Variants in GRIN2B observed in about 807,000 individuals in gnomAD.
GRIN2B encodes the protein glutamate receptor ionotropic, NMDA 2B.
In GRIN2B, 5 loss-of-function variants were observed where a neutral mutation model predicts 114.5. That is an observed-to-expected ratio of 0.04 (90% CI 0.02 to 0.09). The LOEUF (loss-of-function observed/expected upper bound fraction) is 0.09, where lower values mean the gene tolerates loss of function less well. Among genes scored for constraint, GRIN2B ranks in the 10% least tolerant of loss-of-function variants. The pLI is 1.00. For missense variants in GRIN2B, 1,108 were observed against 1,943.5 expected, an observed-to-expected ratio of 0.57 and a Z score of 8.08; for synonymous variants, 787 against 745.1, an observed-to-expected ratio of 1.06 and a Z score of -0.92.
At chr12:13,886,221 T>G (rs887273942) in intron 2 of GRIN2B, among the ~76,000 whole-genome samples, 4 of 152,230 alleles carry the variant, frequency 2.6e-5, no homozygotes, top group Non-Finnish European at 5.9e-5. Context: ...TACCGGTGTA[T>G]GTACTGGTTT....
At chr12:13,677,902 T>C (rs772259314) in intron 4 of GRIN2B, among the ~76,000 whole-genome samples, 6 of 152,148 alleles carry the variant, frequency 3.9e-5, no homozygotes, top group Non-Finnish European at 8.8e-5. Context: ...TGTTAAACTC[T>C]TTTAGTTCCG....
intron 5 of GRIN2B, among the ~76,000 whole-genome samples, chr12:13,642,808 G>T (rs1949732223): frequency 6.6e-6 from 1 of 152,164 alleles, no homozygotes; most frequent in Admixed American, 6.5e-5. Flanking sequence ...GAAAAATGAG[G>T]AAACTGAAGC....
rs542589781 is a variant in GRIN2B at position 13,790,944 on chromosome 12, G to A, written c.412-37029C>T. On this transcript the variant is annotated intron_variant, in intron 3 of 13. Coordinates refer to ENST00000609686, the MANE Select transcript of GRIN2B (RefSeq NM_000834.5). ...AGGCTGCTGTTCCAGTGGGAGTGAC[G>A]AGGCTGGAACCCTTCCCTGCAGACA... 1.7e-4 allele frequency among the ~76,000 whole-genome samples: 26 copies of A among 152,294 alleles called. No homozygotes were observed. In the South Asian group the frequency reaches 3.3e-3, roughly 19 times the overall value.
In GRIN2B at chr12:13,554,260, G is replaced by T. The variant is rs1217255673; in HGVS notation, c.*8523C>A. Reference sequence around the variant, plus strand: ...GTATAACCAAATACCTATGAAATAAGATGGCCCATGATAGCTGCCACTAGG... The same window carrying T: ...GTATAACCAAATACCTATGAAATAATATGGCCCATGATAGCTGCCACTAGG... On this transcript the variant is annotated 3_prime_UTR_variant, in exon 14 of 14. Transcript: ENST00000609686. 6.6e-6 allele frequency: 1 copy of T among 152,188 alleles called. No individual in the cohort carries two copies. Among genetic ancestry groups the T allele is most frequent in the Non-Finnish European group, 1.5e-5 (1 of 68,036 alleles). 9.4% of individuals were successfully genotyped at this position (152,188 alleles called of 1,614,324 possible). A position where few individuals can be genotyped will look rare whatever the true frequency, so the allele number is the denominator to read the frequency against.
Position 13,562,568 on chromosome 12 carries a change from G to A in GRIN2B, c.*215C>T. On this transcript the variant is annotated 3_prime_UTR_variant, in exon 14 of 14. Transcript: ENST00000609686. ...GGAACAGGAATGGCTGACAGCGGGG[G>A]GAAGAAGGAGAGAACTGTGAAAAGG... 3.4e-6 allele frequency: 2 copies of A among 581,990 alleles called. No individual in the cohort carries two copies. Among genetic ancestry groups the A allele is most frequent in the Non-Finnish European group, 6.1e-6 (2 of 326,244 alleles). 36.1% of individuals were successfully genotyped at this position (581,990 alleles called of 1,614,324 possible). A position where few individuals can be genotyped will look rare whatever the true frequency, so the allele number is the denominator to read the frequency against.
chr12:13,802,089 T>C (rs1005706438), intron 3 of GRIN2B, among the ~76,000 whole-genome samples: 3 of 151,910 alleles, frequency 2.0e-5, no homozygotes, highest in Non-Finnish European at 4.4e-5. Flanking sequence ...CCTGAAGGAG[T>C]CTGAAGTCTA....
intron 4 of GRIN2B, among the ~76,000 whole-genome samples, chr12:13,730,562 C>T (rs1863071344): frequency 6.6e-6 from 1 of 152,116 alleles, no homozygotes; most frequent in Admixed American, 6.6e-5. Context: ...AGTATACGGG[C>T]CAGGATGTTG....
rs555683394 is a variant in GRIN2B at position 13,540,687 on chromosome 12, A to G, written c.*22096T>C. The G allele has an allele frequency of 6.6e-6, 1 of 152,304 alleles. No homozygotes were observed. Among genetic ancestry groups the G allele is most frequent in the South Asian group, 2.1e-4 (1 of 4,824 alleles). 9.4% of individuals were successfully genotyped at this position (152,304 alleles called of 1,614,324 possible). On this transcript the variant is annotated 3_prime_UTR_variant, in exon 14 of 14. Coordinates refer to ENST00000609686, the MANE Select transcript of GRIN2B (RefSeq NM_000834.5). ...TCCCCCCACTCCAGAATCTCAATTG[A>G]TCCCTGCATGTCCAAAATAAGAAAT... is the stretch of plus-strand genomic sequence containing the variant.
At chr12:13,973,026 C>T (rs570499238) in intron 2 of GRIN2B, among the ~76,000 whole-genome samples, 32 of 152,218 alleles carry the variant, frequency 2.1e-4, no homozygotes, top group African/African-American at 7.7e-4. Flanking sequence ...GACTACGGCC[C>T]CTAGAAGGTG....
At chr12:13,651,249 A>C (rs576433249) in intron 5 of GRIN2B, among the ~76,000 whole-genome samples, 1 of 152,232 alleles carries the variant, frequency 6.6e-6, no homozygotes, top group African/African-American at 2.4e-5. Flanking sequence ...GACAAGGGCA[A>C]TGTGGGCCCA....
chr12:13,942,302 C>A (rs1172175577), intron 2 of GRIN2B, among the ~76,000 whole-genome samples: 1 of 146,992 alleles, frequency 6.8e-6, no homozygotes, highest in African/African-American at 2.5e-5. Context: ...TATTGCCCTG[C>A]AACTGTTCTA....
At chr12:13,838,110 A>T (rs1164556912) in intron 3 of GRIN2B, among the ~76,000 whole-genome samples, 1 of 152,240 alleles carries the variant, frequency 6.6e-6, no homozygotes, top group African/African-American at 2.4e-5. Flanking sequence ...CCAAAATTAA[A>T]TGTGCAAAAG....
chr12:13,690,223 T>C (rs1950203027), intron 4 of GRIN2B, among the ~76,000 whole-genome samples: 1 of 151,858 alleles, frequency 6.6e-6, no homozygotes. Context: ...AAGACTAGTG[T>C]TGAAATCCTC....
intron 5 of GRIN2B, among the ~76,000 whole-genome samples, chr12:13,632,858 T>C (rs2136498811): frequency 6.6e-6 from 1 of 152,316 alleles, no homozygotes; most frequent in Non-Finnish European, 1.5e-5. Context: ...TGCTGATACC[T>C]AGGACCTATC....
chr12:13,691,645 T>C (rs1044535222), intron 4 of GRIN2B, among the ~76,000 whole-genome samples: 1 of 152,088 alleles, frequency 6.6e-6, no homozygotes, highest in Non-Finnish European at 1.5e-5. Context: ...CTTGAAGAAA[T>C]ACAGTGTTTG....
At chr12:13,709,140 GTC>G (rs1565508745) in intron 4 of GRIN2B, among the ~76,000 whole-genome samples, 1 of 151,952 alleles carries the variant, frequency 6.6e-6, no homozygotes, top group Non-Finnish European at 1.5e-5. Flanking sequence ...CCTATCTGAG[GTC>G]TCTGAGAATA....
At chr12:13,792,030 T>C (rs1864330655) in intron 3 of GRIN2B, among the ~76,000 whole-genome samples, 1 of 152,206 alleles carries the variant, frequency 6.6e-6, no homozygotes, top group Non-Finnish European at 1.5e-5. Context: ...ACTTTTTAGC[T>C]CCCATAGATG....
At chr12:13,786,845 G>A (rs989712988) in intron 3 of GRIN2B, among the ~76,000 whole-genome samples, 1 of 152,016 alleles carries the variant, frequency 6.6e-6, no homozygotes, top group Non-Finnish European at 1.5e-5. Context: ...TGCAGGCTGC[G>A]CTGCAGGTGG....
chr12:13,566,722 G>A (rs1054238443), intron 13 of GRIN2B, among the ~76,000 whole-genome samples: 1 of 152,198 alleles, frequency 6.6e-6, no homozygotes, highest in Admixed American at 6.5e-5. Context: ...CCAACTAATG[G>A]TGATGAAAGA....
Sources: gnomAD v4.1 joint callset for allele counts (sites outside exome capture counted in the v4.1 genomes callset) on GRCh38, gnomAD v4.1.1 for gene constraint, MANE v1.5 for transcripts, NCBI Gene and HGNC (gene_info 2026-07-23, HGNC 2026-07-21) for gene names.